Variants in TMEM132A observed in about 807,000 individuals in gnomAD.
TMEM132A encodes the protein transmembrane protein 132A.
A neutral mutation model predicts 69.9 loss-of-function variants in TMEM132A; 48 were observed. The observed-to-expected ratio is 0.69, with a 90% CI of 0.55 to 0.87. The LOEUF is 0.87. Among genes scored for constraint, TMEM132A ranks in the 40% least tolerant of loss-of-function variants. The pLI is 0.00. For synonymous variants in TMEM132A, 577 were observed against 613.7 expected (o/e 0.94, Z 0.88); for missense variants, 1,287 against 1,407.2 (o/e 0.91, Z 1.37).
intron 4 of TMEM132A, 34 bp from the exon 5 acceptor site, chr11:60,930,476 C>T: frequency 6.4e-7 from 1 of 1,559,584 alleles, no homozygotes; most frequent in East Asian, 2.3e-5. Flanking sequence ...TCAGCATGCA[C>T]CTTGCCAAAC....
At chr11:60,931,105 G>A (rs1259333786) in intron 5 of TMEM132A, among the ~76,000 whole-genome samples, 1 of 152,208 alleles carries the variant, frequency 6.6e-6, no homozygotes, top group South Asian at 2.1e-4. Context: ...TCGAATTCTG[G>A]TTCTGATGCT....
chr11:60,927,470 G>T (rs1590622983), intron 2 of TMEM132A, 52 bp downstream of exon 2: 1 of 1,534,476 alleles, frequency 6.5e-7, no homozygotes, highest in East Asian at 2.3e-5. Flanking sequence ...AGGGCCTGAG[G>T]TCTGCTGGGT....
chr11:60,933,523 GC>G lies in TMEM132A; in HGVS notation c.1357-16del. The G allele has an allele frequency of 6.3e-7, 1 of 1,599,056 alleles. No individual in the cohort carries two copies. Among genetic ancestry groups the G allele is most frequent in the Non-Finnish European group, 8.5e-7 (1 of 1,174,864 alleles). ...CTTTAGTGGCTTAGCCCGCCCACCT[GC>G]CCTCTGCCCTTCCATAGGTGTCTGA... On this transcript the variant is annotated intron_variant, in intron 7 of 10. Coordinates refer to ENST00000453848, the MANE Select transcript of TMEM132A (RefSeq NM_178031.3).
At position 60,930,657 on chromosome 11, in the gene TMEM132A, C is replaced by T. The variant is rs1372784908; in HGVS notation, c.1014C>T (p.Ser338=). The T allele has an allele frequency of 1.2e-6, 2 of 1,606,866 alleles. No homozygotes were observed. Among genetic ancestry groups the T allele is most frequent in the African/African-American group, 1.3e-5 (1 of 74,746 alleles). ...GTGCTGGGCTCACAGAGCCAGATTC[C>T]AGGTGGGCAGTTTCCCTCCACCCAG... ...CHRAGLTEPD[S]SPLELSEFLW... Residue 338 remains serine (S), a splice_region_variant and synonymous_variant, in exon 5 of 11, where the codon TCC becomes TCT. Transcript: ENST00000453848.
chr11:60,928,264 G>GT (rs1425634844), intron 3 of TMEM132A, among the ~76,000 whole-genome samples: 3 of 152,196 alleles, frequency 2.0e-5, no homozygotes, highest in Admixed American at 2.0e-4. Flanking sequence ...CTATTTTGGA[G>GT]TCTAGCACAG....
rs549143373 is a variant in TMEM132A, at chr11:60,930,486, C to T, written c.867-24C>T. ...ACAGTTCAGCATGCACCTTGCCAAA[C>T]TGAGCCTATACTCTCTTCCCCAGGA... On this transcript the variant is annotated intron_variant, in intron 4 of 10. Coordinates refer to ENST00000453848, the MANE Select transcript of TMEM132A (RefSeq NM_178031.3). 8.0e-5 allele frequency: 126 copies of T among 1,568,874 alleles called. No individual in the cohort carries two copies. The South Asian group carries it at 1.4e-3, about 17-fold the overall frequency.
At chr11:60,934,342 G>T (rs1356251156) in intron 8 of TMEM132A, 146 bp from the exon 9 acceptor site, 22 of 735,100 alleles carry the variant, frequency 3.0e-5, no homozygotes, top group Non-Finnish European at 3.7e-5. Context: ...CTGACCCCAA[G>T]AGGGGCGGAT....
chr11:60,933,288 T>A, intron 7 of TMEM132A: 1 of 517,490 alleles, frequency 1.9e-6, no homozygotes, highest in Non-Finnish European at 3.5e-6. Flanking sequence ...GCTCAAGGGA[T>A]CCTCCCACCT....
rs550307094 is a variant in TMEM132A, at chr11:60,935,770, C to G, written c.2029-94C>G. ...CCTGTGTCTCTGTTTTCTCTCTGGT[C>G]TCTCCTCCATGTGGCCTATCTCTGT... On this transcript the variant is annotated intron_variant, in intron 10 of 10. Transcript: ENST00000453848. This position sits in a 1 kb window ranked among gnomAD's most constrained non-coding sequence, Gnocchi z 5.0. The G allele has an allele frequency of 4.5e-4, 634 of 1,407,720 alleles. 5 individuals are homozygous for G. In the South Asian group the frequency reaches 4.5e-3, roughly 10 times the overall value. 87.2% of individuals were successfully genotyped at this position (1,407,720 alleles called of 1,614,324 possible). A position where few individuals can be genotyped will look rare whatever the true frequency, so the allele number is the denominator to read the frequency against.
chr11:60,926,963 A>G, intron 1 of TMEM132A: 1 of 587,856 alleles, frequency 1.7e-6, no homozygotes, highest in East Asian at 2.9e-5. Context: ...AAGTAGAAGG[A>G]ATAGCTGGGA....
Position 60,936,617 on chromosome 11 carries a change from G to C in TMEM132A, c.2782G>C (p.Gly928Arg), listed in dbSNP as rs545267277. Residue 928 changes from glycine to arginine, a missense_variant, in exon 11 of 11, where the codon GGG becomes CGG. Gly to Arg is a moderately radical substitution (Grantham distance 125, BLOSUM62 -2). Transcript: ENST00000453848. ...GGAGGGGAGCTGCCCCTGTGAGAGT[G>C]GGGGAGGAGGGGAGGCCCCTACCCT... ...KGEGSCPCES[G>R]GGGEAPTLAP... The C allele has an allele frequency of 7.6e-6, 12 of 1,574,226 alleles. No individual in the cohort carries two copies. The highest frequency in any genetic ancestry group is 1.7e-4 in the Middle Eastern group (1 of 5,752).
Position 60,932,005 on chromosome 11 carries a change from G to C in TMEM132A, c.1234G>C (p.Ala412Pro), listed in dbSNP as rs563789733. 1 of 1,604,438 alleles carries C rather than the reference G, an allele frequency of 6.2e-7. No homozygotes were observed. Among genetic ancestry groups the C allele is most frequent in the East Asian group, 2.2e-5 (1 of 44,792 alleles). ...LAKAEELVNT[A>P]PLTGVPQHVP... is the part of the protein sequence containing the mutation. The stretch of plus-strand genomic sequence containing the variant: ...CCAGGCTGAGGAGCTGGTGAATACA[G>C]CACCACTGACTGGAGTGCCCCAGCA... The change falls in exon 7 of 11, where the codon GCA becomes CCA. Residue 412 changes from alanine (A) to proline (P), a missense_variant. By Grantham distance (27) the Ala-to-Pro change is conservative (BLOSUM62 -1). Transcript: ENST00000453848.
rs1856368127 is a variant in TMEM132A at position 60,927,313 on chromosome 11, C to T, written c.210C>T (p.Ala70=). ...AGCAGGTGGGCCACTACCCACCTGCCAACTCCTCTCTGAGCTCCCGATCTG... is the reference window on the plus strand; with the variant it reads ...AGCAGGTGGGCCACTACCCACCTGCTAACTCCTCTCTGAGCTCCCGATCTG... ...RVQQVGHYPP[A]NSSLSSRSET... Residue 70 remains alanine, a synonymous_variant, in exon 2 of 11, where the codon GCC becomes GCT. Transcript: ENST00000453848. The T allele has an allele frequency of 6.2e-7, 1 of 1,613,430 alleles. No homozygotes were observed.
At chr11:60,925,089 A>C in intron 1 of TMEM132A, 1 of 209,498 alleles carries the variant, frequency 4.8e-6, no homozygotes, top group South Asian at 8.9e-5. Context: ...TGTGGTCTGT[A>C]GCGCTGCACC....
intron 4 of TMEM132A, among the ~76,000 whole-genome samples, chr11:60,929,388 A>T (rs1322511286): frequency 6.6e-6 from 1 of 152,198 alleles, no homozygotes; most frequent in Non-Finnish European, 1.5e-5. Flanking sequence ...CCCTCGCCGT[A>T]GGAGTCTAGC....
rs951218405 is a variant in TMEM132A at position 60,928,980 on chromosome 11, G to C, written c.866+20G>C. On this transcript the variant is annotated intron_variant, in intron 4 of 10. Transcript: ENST00000453848. The stretch of plus-strand genomic sequence containing the variant: ...CCTGCGGTGAGCACCAGGCCACGGG[G>C]ATGGGTGAGGGTGGGAACCTCTGTG... 1 of 1,610,382 alleles carries C rather than the reference G, an allele frequency of 6.2e-7. No homozygotes were observed. The highest frequency in any genetic ancestry group is 8.5e-7 in the Non-Finnish European group (1 of 1,179,702).
chr11:60,935,597 AG>A lies in TMEM132A; in HGVS notation c.2028+156del. The A allele has an allele frequency of 1.1e-6, 1 of 895,978 alleles. No individual in the cohort carries two copies. The highest frequency in any genetic ancestry group is 1.7e-6 in the Non-Finnish European group (1 of 600,278). 55.5% of individuals were successfully genotyped at this position (895,978 alleles called of 1,614,324 possible). ...GAGGTAGTGAGCTCTCTGCAGCTGG[AG>A]GTGATCAAGCAGTGGCTGGAGTATG... On this transcript the variant is annotated intron_variant, in intron 10 of 10. Transcript: ENST00000453848. This position sits in a 1 kb window ranked among gnomAD's most constrained non-coding sequence, Gnocchi z 5.0.
chr11:60,936,094 C>A lies in TMEM132A; in HGVS notation c.2259C>A (p.His753Gln). 2 of 1,611,294 alleles carry A rather than the reference C, an allele frequency of 1.2e-6. No individual in the cohort carries two copies. The highest frequency in any genetic ancestry group is 1.7e-6 in the Non-Finnish European group (2 of 1,178,964). The change falls in exon 11 of 11, where the codon CAC becomes CAA. Residue 753 changes from histidine (H) to glutamine (Q), a missense_variant. Physicochemically the swap from His to Gln is conservative, Grantham distance 24. Coordinates refer to ENST00000453848, the MANE Select transcript of TMEM132A (RefSeq NM_178031.3). ...HPPEPCRRGR[H>Q]RVPLASGTAW... The stretch of plus-strand genomic sequence containing the variant: ...CCGAGCCCTGCCGCCGGGGCCGCCA[C>A]CGTGTGCCTCTGGCCTCTGGCACCG...
In TMEM132A at chr11:60,934,520, AG is replaced by A. The variant is rs776720836; in HGVS notation, c.1594del (p.Ala532ProfsTer44). ...GAACCCGCTGCAGAGGCGTCGGATG[AG>A]GCCGAGCGGCGCGCCCGTGGCTGCC... ...PAEPAAEASDEAERRARGCHL... is the reference protein window; with the variant it reads ...PAEPAAEASDXAERRARGCHL... On this transcript the variant is annotated frameshift_variant, in exon 9 of 11. Coordinates refer to ENST00000453848, the MANE Select transcript of TMEM132A (RefSeq NM_178031.3). LOFTEE classifies it high-confidence loss of function. The A allele has an allele frequency of 6.9e-7, 1 of 1,442,356 alleles. No homozygotes were observed. The highest frequency in any genetic ancestry group is 1.5e-5 in the South Asian group (1 of 68,820). The allele number at this position is 1,442,356 out of a possible 1,614,324, so 89.3% of individuals were successfully genotyped here.
Sources: allele counts gnomAD v4.1 joint callset (sites outside exome capture counted in the v4.1 genomes callset), GRCh38; gene constraint gnomAD v4.1.1; non-coding constraint Gnocchi (gnomAD v3.1); transcripts MANE v1.5; gene names NCBI Gene and HGNC (gene_info 2026-07-23, HGNC 2026-07-21).